NR2F2: variants seen among roughly 807,000 people sequenced by gnomAD.
NR2F2 encodes the protein nuclear receptor subfamily 2 group F member 2, also known as COUP transcription factor 2.
Under a neutral mutation model 34.8 loss-of-function variants are expected in NR2F2, and 2 were observed. That is an observed-to-expected ratio of 0.06 (90% confidence interval 0.02 to 0.18). The LOEUF is 0.18. Ranked by LOEUF, NR2F2 falls within the 10% of genes least tolerant of loss-of-function variation. NR2F2 has a pLI of 1.00. For missense variants in NR2F2, 300 were observed against 580.1 expected, an observed-to-expected ratio of 0.52 and a Z score of 4.96; for synonymous variants, 274 against 251.8, an observed-to-expected ratio of 1.09 and a Z score of -0.84.
intron 2 of NR2F2, among the ~76,000 whole-genome samples, chr15:96,336,922 C>T (rs1392145815): frequency 6.6e-6 from 1 of 152,080 alleles, no homozygotes; most frequent in Non-Finnish European, 1.5e-5. Context: ...CCCCCAACCC[C>T]TATATAATTA....
intron 1 of NR2F2, among the ~76,000 whole-genome samples, chr15:96,332,941 C>CCCCAA (rs1899194044): frequency 3.4e-5 from 2 of 58,038 alleles, no homozygotes; most frequent in Non-Finnish European, 3.5e-5. Context: ...CCCACCCTCT[C>CCCCAA]AAAAAAAAAA....
In NR2F2 at chr15:96,332,133, G is replaced by A. The variant is rs1347235516; in HGVS notation, c.28G>A (p.Asp10Asn). 10 of 1,355,886 alleles carry A rather than the reference G, an allele frequency of 7.4e-6. No homozygotes were observed. The African/African-American group carries it at 1.5e-4, about 21-fold the overall frequency. 84.0% of individuals were successfully genotyped at this position (1,355,886 alleles called of 1,614,324 possible). ...GGCAATGGTAGTCAGCACGTGGCGC[G>A]ACCCCCAGGACGAGGTGCCCGGCTC... is the stretch of plus-strand genomic sequence containing the variant. Reference protein sequence around the residue: MAMVVSTWRDPQDEVPGSQG... With the variant: MAMVVSTWRNPQDEVPGSQG... The change falls in exon 1 of 3, where the codon GAC becomes AAC. Residue 10 changes from aspartate to asparagine, a missense_variant. Coordinates refer to ENST00000394166, the MANE Select transcript of NR2F2 (RefSeq NM_021005.4).
In NR2F2 at chr15:96,332,095, C is replaced by T; in HGVS notation, c.-11C>T. On this transcript the variant is annotated 5_prime_UTR_variant, in exon 1 of 3. Transcript: ENST00000394166. ...AGGGGAGCAGGAAGTCCGGACGCAG[C>T]CCCCATAGATATGGCAATGGTAGTC... The T allele has an allele frequency of 7.6e-7, 1 of 1,307,610 alleles. No individual in the cohort carries two copies. Among genetic ancestry groups the T allele is most frequent in the Non-Finnish European group, 9.7e-7 (1 of 1,027,140 alleles). 81.0% of individuals were successfully genotyped at this position (1,307,610 alleles called of 1,614,324 possible).
At chr15:96,333,424 C>T (rs930209697) in intron 1 of NR2F2, 7 of 1,002,370 alleles carry the variant, frequency 7.0e-6, no homozygotes, top group Non-Finnish European at 8.4e-6. Flanking sequence ...CCGCTAGTGC[C>T]GGCCGCCTGC....
rs927814635 is a variant in NR2F2 at position 96,331,821 on chromosome 15, A to G, written c.-285A>G. ...CCCTTCCCCTCCCCTCCCGGCGGAA[A>G]GCCCCCCGAAACCAACAAAGCTGAG... On this transcript the variant is annotated 5_prime_UTR_variant, in exon 1 of 3. Transcript: ENST00000394166. 3.3e-6 allele frequency: 4 copies of G among 1,202,070 alleles called. No individual in the cohort carries two copies. Among genetic ancestry groups the G allele is most frequent in the Non-Finnish European group, 4.1e-6 (4 of 969,118 alleles). The allele number at this position is 1,202,070 out of a possible 1,614,324, so 74.5% of individuals were successfully genotyped here.
intron 1 of NR2F2, 72 bp downstream of exon 1, chr15:96,332,619 T>C: frequency 3.2e-6 from 5 of 1,563,186 alleles, no homozygotes; most frequent in Non-Finnish European, 4.3e-6. Context: ...TAGCCTGCTC[T>C]GGGTAAGGAC....
chr15:96,328,984 C>T (rs556117192), upstream of NR2F2, among the ~76,000 whole-genome samples: 139 of 152,086 alleles, frequency 9.1e-4, no homozygotes, highest in Non-Finnish European at 1.6e-3. Context: ...AAAATGTGAT[C>T]TATGCATGTC....
rs1020092435 is a variant in NR2F2, at chr15:96,339,911, A to G, written c.*2289A>G. 6.6e-6 allele frequency: 1 copy of G among 152,052 alleles called. No homozygotes were observed. Among genetic ancestry groups the G allele is most frequent in the Non-Finnish European group, 1.5e-5 (1 of 68,026 alleles). 9.4% of individuals were successfully genotyped at this position (152,052 alleles called of 1,614,324 possible). On this transcript the variant is annotated 3_prime_UTR_variant, in exon 3 of 3. Transcript: ENST00000394166. ...TGAAAGAACAGGGATAATTTTGTAA[A>G]GTGTATTAAACGTTAATATTCAGAT...
chr15:96,334,701 T>C, intron 2 of NR2F2, 98 bp downstream of exon 2: 1 of 1,341,534 alleles, frequency 7.5e-7, no homozygotes, highest in Non-Finnish European at 1.0e-6. Context: ...AGTCTGCTCC[T>C]TGAAAGGCCA....
chr15:96,333,315 G>A (rs2141167974), intron 1 of NR2F2: 2 of 1,000,350 alleles, frequency 2.0e-6, no homozygotes, highest in East Asian at 1.1e-4. Flanking sequence ...GGGTTTCTTT[G>A]TGTTTCTGCG....
chr15:96,339,200 AG>A lies in NR2F2; in HGVS notation c.*1579del, dbSNP rs775921592. 5.3e-5 allele frequency: 8 copies of A among 152,204 alleles called. No individual in the cohort carries two copies. Among genetic ancestry groups the A allele is most frequent in the Admixed American group, 1.3e-4 (2 of 15,286 alleles). The allele number at this position is 152,204 out of a possible 1,614,324, so 9.4% of individuals were successfully genotyped here. On this transcript the variant is annotated 3_prime_UTR_variant, in exon 3 of 3. Transcript: ENST00000394166. ...TGAGATCAGTATCTATTTTATGATCAGAAAAAAATACTCTTTTGTACATTTC... is the reference window on the plus strand; with the variant it reads ...TGAGATCAGTATCTATTTTATGATCAAAAAAAATACTCTTTTGTACATTTC...
rs958286234 is a variant in NR2F2 at position 96,337,869 on chromosome 15, T to C, written c.*247T>C. On this transcript the variant is annotated 3_prime_UTR_variant, in exon 3 of 3. Coordinates refer to ENST00000394166, the MANE Select transcript of NR2F2 (RefSeq NM_021005.4). ...GTCGGTCAGAACAACTTGCTACTTA[T>C]CATTTTTGTATAAAAAGGAAATTAG... The C allele has an allele frequency of 2.8e-6, 1 of 361,468 alleles. No homozygotes were observed. The highest frequency in any genetic ancestry group is 4.9e-6 in the Non-Finnish European group (1 of 204,572). The allele number at this position is 361,468 out of a possible 1,614,324, so 22.4% of individuals were successfully genotyped here.
chr15:96,330,634 A>G (rs1257253801), upstream of NR2F2: 1 of 154,586 alleles, frequency 6.5e-6, no homozygotes, highest in African/African-American at 2.4e-5. Context: ...CGCCATGGCA[A>G]CGTGCGCTAA....
At chr15:96,336,913 C>T (rs1006284496) in intron 2 of NR2F2, among the ~76,000 whole-genome samples, 1 of 152,068 alleles carries the variant, frequency 6.6e-6, no homozygotes, top group Admixed American at 6.5e-5. Context: ...CACCCCCAAC[C>T]CCCAACCCCT....
chr15:96,328,725 G>T (rs2141163164), upstream of NR2F2, among the ~76,000 whole-genome samples: 1 of 150,600 alleles, frequency 6.6e-6, no homozygotes, highest in Non-Finnish European at 1.5e-5. Flanking sequence ...TTACACACCA[G>T]GTTTATGATA....
chr15:96,339,572 A>G lies in NR2F2; in HGVS notation c.*1950A>G, dbSNP rs1899438718. ...TTTTGACATTTCAGATTGTGTGGCT[A>G]CAATCTGTACTGCTCTTGGGATCCT... On this transcript the variant is annotated 3_prime_UTR_variant, in exon 3 of 3. Coordinates refer to ENST00000394166, the MANE Select transcript of NR2F2 (RefSeq NM_021005.4). The G allele has an allele frequency of 6.6e-6, 1 of 152,206 alleles. No individual in the cohort carries two copies. Among genetic ancestry groups the G allele is most frequent in the African/African-American group, 2.4e-5 (1 of 41,448 alleles). 9.4% of individuals were successfully genotyped at this position (152,206 alleles called of 1,614,324 possible). A position where few individuals can be genotyped will look rare whatever the true frequency, so the allele number is the denominator to read the frequency against.
chr15:96,330,830 G>C lies in NR2F2; in HGVS notation c.-1276G>C. On this transcript the variant is annotated 5_prime_UTR_variant, in exon 1 of 3. Transcript: ENST00000394166. ...GGTGTGTGTGTGCGTGCGCGCGTGT[G>C]TGTTTTCTTCTTCTCCTCCTCCTCT... 1.7e-6 allele frequency: 2 copies of C among 1,149,540 alleles called. No homozygotes were observed. The highest frequency in any genetic ancestry group is 3.6e-4 in the Middle Eastern group (1 of 2,806). The allele number at this position is 1,149,540 out of a possible 1,614,324, so 71.2% of individuals were successfully genotyped here. A position where few individuals can be genotyped will look rare whatever the true frequency, so the allele number is the denominator to read the frequency against.
intron 1 of NR2F2, chr15:96,333,028 A>G (rs1413665392): frequency 6.5e-6 from 1 of 153,258 alleles, no homozygotes; most frequent in Non-Finnish European, 1.5e-5. Flanking sequence ...TCGCCGTATT[A>G]ACGCTGCCGC....
chr15:96,329,187 T>C (rs1899064965), upstream of NR2F2, among the ~76,000 whole-genome samples: 2 of 152,182 alleles, frequency 1.3e-5, no homozygotes, highest in Non-Finnish European at 2.9e-5. Flanking sequence ...GGTTTTTTCT[T>C]GGTGCAAAGT....
Sources: gnomAD v4.1 joint callset for allele counts (sites outside exome capture counted in the v4.1 genomes callset) on GRCh38, gnomAD v4.1.1 for gene constraint, MANE v1.5 for transcripts, NCBI Gene and HGNC (gene_info 2026-07-23, HGNC 2026-07-21) for gene names.